Variants in FOXN3 observed in about 807,000 individuals in gnomAD.
The protein encoded by FOXN3 is forkhead box protein N3.
In FOXN3, 7 loss-of-function variants were observed where a neutral mutation model predicts 38.4. The ratio of observed to expected loss-of-function variants is 0.18; its 90% CI spans 0.10 to 0.34. The LOEUF (loss-of-function observed/expected upper bound fraction) is 0.34, where lower values mean the gene tolerates loss of function less well. FOXN3 is among the 10% of genes least tolerant of loss of function. FOXN3 has a pLI of 1.00. For missense variants in FOXN3, 456 were observed against 613.4 expected (o/e 0.74, Z 2.71); for synonymous variants, 230 against 242.2 (o/e 0.95, Z 0.47).
At chr14:89,230,906 C>G (rs1566934656) in intron 4 of FOXN3, 1 of 455,688 alleles carries the variant, frequency 2.2e-6, no homozygotes, top group South Asian at 1.5e-5. Context: ...AGTACTTCTT[C>G]TATTTTCTCA....
In FOXN3 at chr14:89,465,291, A is replaced by G. The variant is rs557051558; in HGVS notation, c.-14-52801T>C. Among the ~76,000 whole-genome samples the G allele has an allele frequency of 1.9e-3, 290 of 152,194 alleles. 5 individuals carry two copies. Among genetic ancestry groups the G allele is most frequent in the Admixed American group, 3.3e-3 (50 of 15,288 alleles). On this transcript the variant is annotated intron_variant, in intron 1 of 6. Transcript: ENST00000345097. The stretch of plus-strand genomic sequence containing the variant: ...TGTTGCCAGGCTGGAGTGCAGTCGC[A>G]CGATCTTGGCTCACTGCAACCTCCG...
At chr14:89,522,539 A>ATGG (rs1192555074) in intron 1 of FOXN3, among the ~76,000 whole-genome samples, 1 of 152,190 alleles carries the variant, frequency 6.6e-6, no homozygotes, top group African/African-American at 2.4e-5. Context: ...AATAACATGA[A>ATGG]TGGTGGGGCT....
intron 1 of FOXN3, among the ~76,000 whole-genome samples, chr14:89,532,291 A>T (rs1355817216): frequency 6.6e-6 from 1 of 152,202 alleles, no homozygotes; most frequent in African/African-American, 2.4e-5. Flanking sequence ...AATATTTTAA[A>T]CCAGACTGTG....
At chr14:89,260,145 G>C (rs768196786) in intron 4 of FOXN3, among the ~76,000 whole-genome samples, 2 of 152,158 alleles carry the variant, frequency 1.3e-5, no homozygotes, top group Admixed American at 1.3e-4. Context: ...TATAATCCTG[G>C]GAATTCCAAA....
chr14:89,355,890 G>A (rs1313096144), intron 2 of FOXN3, among the ~76,000 whole-genome samples: 2 of 152,038 alleles, frequency 1.3e-5, no homozygotes, highest in Non-Finnish European at 2.9e-5. Flanking sequence ...GGACTTACAC[G>A]TGGCTCTGGG....
intron 3 of FOXN3, among the ~76,000 whole-genome samples, chr14:89,338,074 C>G (rs1025585231): frequency 2.0e-5 from 3 of 152,190 alleles, no homozygotes; most frequent in African/African-American, 7.2e-5. Flanking sequence ...TCCAAACAGT[C>G]TGGCCTCGTG....
upstream of FOXN3, among the ~76,000 whole-genome samples, chr14:89,421,529 T>TA (rs1891909425): frequency 2.8e-4 from 2 of 7,106 alleles, no homozygotes; most frequent in African/African-American, 1.1e-3. Flanking sequence ...CCCAGGGAAA[T>TA]TTTTTTTTTT....
At position 89,534,417 on chromosome 14, in the gene FOXN3, G is replaced by C. The variant is rs1453987243; in HGVS notation, c.-15+84611C>G. ...ATGCCTGGCCCTGTGTATTCTTTTT[G>C]ATAGGAAAAACTTTCAAGACTCATT... On this transcript the variant is annotated intron_variant, in intron 1 of 6. Transcript: ENST00000345097. Among the ~76,000 whole-genome samples, 5 of 151,942 alleles carry C rather than the reference G, an allele frequency of 3.3e-5. No homozygotes were observed. The East Asian group carries it at 7.7e-4, about 23-fold the overall frequency.
intron 4 of FOXN3, among the ~76,000 whole-genome samples, chr14:89,256,506 T>C (rs544056834): frequency 1.7e-4 from 26 of 152,332 alleles, no homozygotes; most frequent in Non-Finnish European, 3.5e-4. Flanking sequence ...TTTATGAAGA[T>C]GTTTAACGCT....
At chr14:89,405,986 C>T (rs1891378804) in intron 2 of FOXN3, among the ~76,000 whole-genome samples, 2 of 152,066 alleles carry the variant, frequency 1.3e-5, no homozygotes, top group Admixed American at 6.5e-5. Context: ...GGCGACACAG[C>T]AAGACCCCAC....
intron 3 of FOXN3, among the ~76,000 whole-genome samples, chr14:89,315,494 G>A (rs1468665051): frequency 3.3e-5 from 5 of 152,024 alleles, no homozygotes; most frequent in East Asian, 1.9e-4. Context: ...GTCCAGTCTC[G>A]TAGGCATGTC....
chr14:89,289,737 T>C (rs938926591), intron 3 of FOXN3, among the ~76,000 whole-genome samples: 4 of 152,198 alleles, frequency 2.6e-5, no homozygotes, highest in African/African-American at 9.7e-5. Context: ...TGACAGCATA[T>C]CCACACTGCC....
rs1481298307 is a variant in FOXN3 at position 89,191,973 on chromosome 14, T to TATAAAA, written c.746-11168_746-11167insTTTTAT. Reference sequence around the variant, plus strand: ...GTATATATATATATACACATATATATAACTATAATATATAATATATATTAG... The same window carrying TATAAAA: ...GTATATATATATATACACATATATATATAAAAAACTATAATATATAATATATATTAG... On this transcript the variant is annotated intron_variant, in intron 4 of 5. Coordinates refer to ENST00000557258, the MANE Select transcript of FOXN3 (RefSeq NM_005197.4). Among the ~76,000 whole-genome samples the TATAAAA allele has an allele frequency of 5.5e-3, 746 of 135,028 alleles. 20 individuals carry two copies. Among genetic ancestry groups the TATAAAA allele is most frequent in the African/African-American group, 0.023 (717 of 31,550 alleles). The allele number at this position is 135,028 out of a possible 152,430, so 88.6% of individuals were successfully genotyped here.
At position 89,484,950 on chromosome 14, in the gene FOXN3, G is replaced by A. The variant is rs955245896; in HGVS notation, c.-14-72460C>T. 6.6e-6 allele frequency among the ~76,000 whole-genome samples: 1 copy of A among 152,020 alleles called. No individual in the cohort carries two copies. Among genetic ancestry groups the A allele is most frequent in the Non-Finnish European group, 1.5e-5 (1 of 68,008 alleles). On this transcript the variant is annotated intron_variant, in intron 1 of 6. Coordinates refer to the FOXN3 transcript ENST00000345097. This position sits in a 1 kb window ranked among gnomAD's most constrained non-coding sequence, Gnocchi z 4.0. ...GAGGATCACTTGAGGTCAGGAGTTC[G>A]AGACCAGCCTGGCCAATATGGTGAA...
intron 3 of FOXN3, among the ~76,000 whole-genome samples, chr14:89,343,137 A>T (rs1888661796): frequency 6.6e-6 from 1 of 152,236 alleles, no homozygotes; most frequent in African/African-American, 2.4e-5. Flanking sequence ...GATGTCTTAT[A>T]AATTAAAAAA....
chr14:89,434,728 C>G (rs1257871033), intron 1 of FOXN3, among the ~76,000 whole-genome samples: 1 of 152,164 alleles, frequency 6.6e-6, no homozygotes, highest in Non-Finnish European at 1.5e-5. Flanking sequence ...CCCAAACCAC[C>G]AAATAAACCT....
chr14:89,346,586 C>G (rs566097987), intron 3 of FOXN3, among the ~76,000 whole-genome samples: 1 of 152,156 alleles, frequency 6.6e-6, no homozygotes, highest in East Asian at 1.9e-4. Flanking sequence ...TGATGTCCTA[C>G]GAGAGGTACC....
intron 1 of FOXN3, among the ~76,000 whole-genome samples, chr14:89,471,014 A>AT (rs1203887129): frequency 8.9e-4 from 136 of 152,360 alleles, no homozygotes; most frequent in African/African-American, 3.1e-3. Flanking sequence ...GACAATCCAC[A>AT]GTGAACATGT....
At chr14:89,381,513 C>T (rs1244616271) in intron 2 of FOXN3, among the ~76,000 whole-genome samples, 1 of 45,388 alleles carries the variant, frequency 2.2e-5, no homozygotes, top group African/African-American at 6.4e-5. Flanking sequence ...ACCTGCAGCC[C>T]AAAAAAAGCC....
Sources: allele counts gnomAD v4.1 joint callset (sites outside exome capture counted in the v4.1 genomes callset), GRCh38; gene constraint gnomAD v4.1.1; non-coding constraint Gnocchi (gnomAD v3.1); transcripts MANE v1.5; gene names NCBI Gene and HGNC (gene_info 2026-07-23, HGNC 2026-07-21).